PDE1B: variants seen among roughly 807,000 people sequenced by gnomAD.
PDE1B encodes the protein dual specificity calcium/calmodulin-dependent 3',5'-cyclic nucleotide phosphodiesterase 1B.
PDE1B carries 13 observed loss-of-function variants against 66.7 expected under a neutral mutation model. The observed-to-expected ratio is 0.19, with a 90% CI of 0.13 to 0.31. PDE1B has a LOEUF of 0.31. Ranked by LOEUF, PDE1B falls within the 10% of genes least tolerant of loss-of-function variation. The probability of loss-of-function intolerance (pLI) is 1.00; values close to 1 mark genes in which losing one functional copy is unlikely to be tolerated. For synonymous variants in PDE1B, 230 were observed against 253.9 expected (o/e 0.91, Z 0.90); for missense variants, 485 against 682.3 (o/e 0.71, Z 3.22).
Position 54,569,236 on chromosome 12 carries a change from C to G in PDE1B, c.280C>G (p.Pro94Ala). 6.2e-7 allele frequency: 1 copy of G among 1,612,986 alleles called. No homozygotes were observed. Among genetic ancestry groups the G allele is most frequent in the Non-Finnish European group, 8.5e-7 (1 of 1,179,194 alleles). ...ELQELRSDAV[P>A]SEVRDWLAST... ...GCAGGAGCTGCGGTCAGATGCCGTGCCTTCGGAGGTGCGGGACTGGCTGGC... is the reference window on the plus strand; with the variant it reads ...GCAGGAGCTGCGGTCAGATGCCGTGGCTTCGGAGGTGCGGGACTGGCTGGC... The change falls in exon 4 of 16, where the codon CCT (proline) becomes GCT (alanine). Residue 94 changes from proline (P) to alanine (A), a missense_variant. Physicochemically the swap from Pro to Ala is conservative, Grantham distance 27. Transcript: ENST00000243052. The surrounding 1 kb of genome is among the most constrained non-coding windows in gnomAD (Gnocchi z 4.4).
chr12:54,553,842 G>C (rs1309936287), intron 2 of PDE1B, among the ~76,000 whole-genome samples: 1 of 152,168 alleles, frequency 6.6e-6, no homozygotes, highest in African/African-American at 2.4e-5. Flanking sequence ...TGTGGCGTTT[G>C]GATTGTGTGA....
In PDE1B at chr12:54,575,222, G is replaced by A. The variant is rs761508499; in HGVS notation, c.1185+4G>A. 1.2e-6 allele frequency: 2 copies of A among 1,613,170 alleles called. No individual in the cohort carries two copies. Among genetic ancestry groups the A allele is most frequent in the South Asian group, 1.1e-5 (1 of 91,012 alleles). On this transcript the variant is annotated splice_donor_region_variant and intron_variant, in intron 11 of 15. Coordinates refer to ENST00000243052, the MANE Select transcript of PDE1B (RefSeq NM_000924.4). The surrounding 1 kb of genome is among the most constrained non-coding windows in gnomAD (Gnocchi z 4.0). ...CATGGAGGAATTCTTCCGTCAGGTA[G>A]CGTGGCATCTTTGCCTTCCCTGTGC...
intron 2 of PDE1B, among the ~76,000 whole-genome samples, chr12:54,560,911 G>A (rs1957399800): frequency 6.6e-6 from 1 of 152,078 alleles, no homozygotes; most frequent in Non-Finnish European, 1.5e-5. Flanking sequence ...TTCTCTGCTT[G>A]CGGGTGGAGG....
Position 54,557,319 on chromosome 12 carries a change from G to T in PDE1B, c.113+7334G>T, listed in dbSNP as rs1957354405. On this transcript the variant is annotated intron_variant, in intron 2 of 15. Coordinates refer to ENST00000243052, the MANE Select transcript of PDE1B (RefSeq NM_000924.4). ...AGTGAAATAAATTGAAGACAGATAT[G>T]CAGGAGAACTTCCTGGAAAGTTCCT... 2.0e-5 allele frequency among the ~76,000 whole-genome samples: 3 copies of T among 152,306 alleles called. No individual in the cohort carries two copies. The South Asian group carries it at 6.2e-4, about 32-fold the overall frequency.
At chr12:54,567,583 A>G (rs570965728) in intron 3 of PDE1B, among the ~76,000 whole-genome samples, 2 of 152,120 alleles carry the variant, frequency 1.3e-5, no homozygotes, top group South Asian at 4.2e-4. Context: ...GGTAAGAGAT[A>G]AAGAAGCAGA....
rs978364050 is a variant in PDE1B at position 54,549,626 on chromosome 12, G to T, written c.-160G>T. 1 of 472,670 alleles carries T rather than the reference G, an allele frequency of 2.1e-6. No individual in the cohort carries two copies. The highest frequency in any genetic ancestry group is 3.7e-6 in the Non-Finnish European group (1 of 267,940). 29.3% of individuals were successfully genotyped at this position (472,670 alleles called of 1,614,324 possible). A position where few individuals can be genotyped will look rare whatever the true frequency, so the allele number is the denominator to read the frequency against. On this transcript the variant is annotated 5_prime_UTR_variant, in exon 1 of 16. Transcript: ENST00000243052. Reference sequence around the variant, plus strand: ...AGCGCGCGGCGGCGGCGGCGGTAGCGGCAGCAGCAGCGGCGGTGCGGAGAG... The same window carrying T: ...AGCGCGCGGCGGCGGCGGCGGTAGCTGCAGCAGCAGCGGCGGTGCGGAGAG...
At chr12:54,570,219 A>G (rs373174863) in intron 5 of PDE1B, 22 bp from the exon 6 acceptor site, 6 of 1,444,364 alleles carry the variant, frequency 4.2e-6, no homozygotes, top group Non-Finnish European at 5.9e-6. Context: ...GGAAAGCCAC[A>G]TAATCTATTG....
chr12:54,577,481 G>C (rs1169014455), intron 15 of PDE1B, 136 bp downstream of exon 15: 1 of 1,598,364 alleles, frequency 6.3e-7, no homozygotes, highest in East Asian at 2.2e-5. Context: ...TGAAGACATA[G>C]AATGGAGCCA....
At chr12:54,567,932 C>A (rs2669404) in intron 3 of PDE1B, among the ~76,000 whole-genome samples, 9,874 of 152,158 alleles carry the variant, frequency 0.065, 1,056 homozygotes, top group African/African-American at 0.22. Flanking sequence ...TCTTGGCTCA[C>A]TGCAACCTCT....
At chr12:54,551,930 G>T (rs993121632) in intron 2 of PDE1B, among the ~76,000 whole-genome samples, 1 of 152,204 alleles carries the variant, frequency 6.6e-6, no homozygotes. Context: ...CACTTCAGCA[G>T]TCTGGTCCTT....
Position 54,573,560 on chromosome 12 carries a change from C to T in PDE1B, c.963-48C>T, listed in dbSNP as rs1456574848. Reference sequence around the variant, plus strand: ...ATTTTCCACTTCCTGGACCTCCTGCCCAGCAGCGCTGAGGGGACTGATTGC... The same window carrying T: ...ATTTTCCACTTCCTGGACCTCCTGCTCAGCAGCGCTGAGGGGACTGATTGC... On this transcript the variant is annotated intron_variant, in intron 9 of 15. Coordinates refer to ENST00000243052, the MANE Select transcript of PDE1B (RefSeq NM_000924.4). This position sits in a 1 kb window ranked among gnomAD's most constrained non-coding sequence, Gnocchi z 5.2. 2 of 1,610,862 alleles carry T rather than the reference C, an allele frequency of 1.2e-6. No homozygotes were observed. Among genetic ancestry groups the T allele is most frequent in the Non-Finnish European group, 1.7e-6 (2 of 1,177,044 alleles).
chr12:54,550,325 C>A, intron 2 of PDE1B: 2 of 910,492 alleles, frequency 2.2e-6, no homozygotes, highest in Non-Finnish European at 2.8e-6. Flanking sequence ...CTGACTCACA[C>A]ATATCCATGT....
chr12:54,561,045 CTG>C (rs1957402207), intron 2 of PDE1B, among the ~76,000 whole-genome samples: 2 of 152,116 alleles, frequency 1.3e-5, no homozygotes, highest in Non-Finnish European at 2.9e-5. Context: ...TGCTTCCATT[CTG>C]TGAGGTGGGT....
intron 10 of PDE1B, chr12:54,574,203 G>T: frequency 5.5e-6 from 1 of 182,042 alleles, no homozygotes; most frequent in Non-Finnish European, 1.2e-5. Context: ...ATGTTGCTTA[G>T]AAGTGAGTGG....
chr12:54,567,085 A>C lies in PDE1B; in HGVS notation c.225A>C (p.Thr75=), dbSNP rs1413721150. Residue 75 remains threonine (T), a splice_region_variant and synonymous_variant, in exon 3 of 16, where the codon ACA becomes ACC. Coordinates refer to ENST00000243052, the MANE Select transcript of PDE1B (RefSeq NM_000924.4). ...TGGAAGCCGTCTACATAGATGAGAC[A>C]CGGTGAGAGAGACCGACAGACAGAG... ...SLLEAVYIDE[T]RQILDTEDEL... is the part of the protein sequence containing the mutation. 1.3e-6 allele frequency: 2 copies of C among 1,507,438 alleles called. No individual in the cohort carries two copies. Among genetic ancestry groups the C allele is most frequent in the Non-Finnish European group, 1.8e-6 (2 of 1,086,598 alleles). The allele number at this position is 1,507,438 out of a possible 1,614,324, so 93.4% of individuals were successfully genotyped here. A position where few individuals can be genotyped will look rare whatever the true frequency, so the allele number is the denominator to read the frequency against.
intron 2 of PDE1B, among the ~76,000 whole-genome samples, chr12:54,560,864 T>C (rs1874306): frequency 0.99 from 151,390 of 152,294 alleles, 75,255 homozygotes; most frequent in Middle Eastern, 1. Flanking sequence ...ATTTGCCCAA[T>C]CCCTTGGTTT....
chr12:54,550,533 T>G (rs899520273), intron 2 of PDE1B, among the ~76,000 whole-genome samples: 1 of 152,148 alleles, frequency 6.6e-6, no homozygotes, highest in Non-Finnish European at 1.5e-5. Flanking sequence ...GGTTACCCCA[T>G]GCCTGAGCTG....
intron 6 of PDE1B, 36 bp downstream of exon 6, chr12:54,570,393 T>G: frequency 8.7e-7 from 1 of 1,147,548 alleles, no homozygotes; most frequent in Non-Finnish European, 1.3e-6. Flanking sequence ...CCAGGCAGGA[T>G]TCTCCACTCC....
At chr12:54,554,629 A>G (rs987984790) in intron 2 of PDE1B, among the ~76,000 whole-genome samples, 11 of 152,156 alleles carry the variant, frequency 7.2e-5, no homozygotes, top group African/African-American at 2.7e-4. Flanking sequence ...TTCAGCCCCA[A>G]GGAAGAACTT....
Sources: gnomAD v4.1 joint callset for allele counts (sites outside exome capture counted in the v4.1 genomes callset) on GRCh38, gnomAD v4.1.1 for gene constraint, Gnocchi (gnomAD v3.1) non-coding constraint, MANE v1.5 for transcripts, NCBI Gene and HGNC (gene_info 2026-07-23, HGNC 2026-07-21) for gene names.